Variants in RANBP17 observed in about 807,000 individuals in gnomAD.
RANBP17 encodes the protein ran-binding protein 17.
RANBP17 carries 158 observed loss-of-function variants against 141.2 expected under a neutral mutation model. The observed-to-expected ratio is 1.12, with a 90% CI of 0.98 to 1.28. The LOEUF is 1.28. Among genes scored for constraint, RANBP17 ranks in the 50% most tolerant of loss-of-function variants. RANBP17 has a pLI of 0.00. For synonymous variants in RANBP17, 430 were observed against 450.0 expected, an observed-to-expected ratio of 0.96 and a Z score of 0.56; for missense variants, 1,438 against 1,290.7, an observed-to-expected ratio of 1.11 and a Z score of -1.75.
chr5:170,914,354 AAGTT>A lies in RANBP17; in HGVS notation c.834+115_834+118del, dbSNP rs1395558962. Reference sequence around the variant, plus strand: ...TTCAATTGAGTTTACTTTTCACAGTAAGTTCTTATATTTTCTGGGATGTATACTG... The same window carrying A: ...TTCAATTGAGTTTACTTTTCACAGTACTTATATTTTCTGGGATGTATACTG... On this transcript the variant is annotated intron_variant, in intron 8 of 27. Coordinates refer to ENST00000523189, the MANE Select transcript of RANBP17 (RefSeq NM_022897.5). 93 of 689,928 alleles carry A rather than the reference AAGTT, an allele frequency of 1.3e-4. No individual in the cohort carries two copies. In the Middle Eastern group the frequency reaches 3.6e-3, roughly 27 times the overall value. The allele number at this position is 689,928 out of a possible 1,614,324, so 42.7% of individuals were successfully genotyped here. A position where few individuals can be genotyped will look rare whatever the true frequency, so the allele number is the denominator to read the frequency against.
chr5:171,215,780 A>T lies in RANBP17; in HGVS notation c.2339+2042A>T, dbSNP rs549754026. 4.1e-4 allele frequency among the ~76,000 whole-genome samples: 63 copies of T among 152,158 alleles called. 1 individual carries two copies. The highest frequency in any genetic ancestry group is 2.1e-4 in the South Asian group (1 of 4,814). ...TGTTTTTTTCTTGTAAATTTGTTTAAGTTCCTTGTAGATTCTGGATATTAG... is the reference window on the plus strand; with the variant it reads ...TGTTTTTTTCTTGTAAATTTGTTTATGTTCCTTGTAGATTCTGGATATTAG... On this transcript the variant is annotated intron_variant, in intron 21 of 27. Transcript: ENST00000523189.
At chr5:171,022,273 G>A (rs1370522195) in intron 14 of RANBP17, among the ~76,000 whole-genome samples, 1 of 152,218 alleles carries the variant, frequency 6.6e-6, no homozygotes, top group Admixed American at 6.5e-5. Context: ...TCACCCAGTT[G>A]GGTGGCACAG....
rs1294808273 is a variant in RANBP17 at position 171,206,644 on chromosome 5, A to G, written c.2231+1032A>G. ...AAAGTTTCCTGTAAATTAAATTGCAATAGAAACTTCTTAAAGGTAACTGTC... is the reference window on the plus strand; with the variant it reads ...AAAGTTTCCTGTAAATTAAATTGCAGTAGAAACTTCTTAAAGGTAACTGTC... On this transcript the variant is annotated intron_variant, in intron 20 of 27. Coordinates refer to ENST00000523189, the MANE Select transcript of RANBP17 (RefSeq NM_022897.5). 4 of 177,288 alleles carry G rather than the reference A, an allele frequency of 2.3e-5. No individual in the cohort carries two copies. In the Admixed American group the frequency reaches 2.5e-4, roughly 11 times the overall value. 11.0% of individuals were successfully genotyped at this position (177,288 alleles called of 1,614,324 possible).
chr5:170,993,915 T>A (rs750173789), intron 14 of RANBP17, among the ~76,000 whole-genome samples: 5 of 152,044 alleles, frequency 3.3e-5, no homozygotes, highest in Non-Finnish European at 5.9e-5. Context: ...TTTTCCAAAA[T>A]AAACTTGGAA....
At chr5:171,064,395 C>T (rs796594834) in intron 14 of RANBP17, among the ~76,000 whole-genome samples, 7 of 152,286 alleles carry the variant, frequency 4.6e-5, no homozygotes, top group African/African-American at 1.7e-4. Flanking sequence ...TTTTAATTTG[C>T]ATTTCTCTTT....
intron 14 of RANBP17, among the ~76,000 whole-genome samples, chr5:171,131,741 G>A (rs1278859070): frequency 6.6e-6 from 1 of 152,206 alleles, no homozygotes; most frequent in Non-Finnish European, 1.5e-5. Context: ...TTAGCATGCT[G>A]ACAGCTCAGC....
chr5:171,002,667 A>G (rs953349382), intron 14 of RANBP17, among the ~76,000 whole-genome samples: 3 of 152,126 alleles, frequency 2.0e-5, no homozygotes, highest in African/African-American at 7.2e-5. Flanking sequence ...AGGTAGTGGA[A>G]GGGGGCAGAA....
chr5:170,957,009 G>T (rs1049437590), intron 13 of RANBP17, among the ~76,000 whole-genome samples: 1 of 151,362 alleles, frequency 6.6e-6, no homozygotes, highest in Non-Finnish European at 1.5e-5. Context: ...GGCAGAGCTT[G>T]CAGTGAGCCG....
chr5:170,955,781 TATA>T (rs1201075266), intron 13 of RANBP17, among the ~76,000 whole-genome samples: 2 of 146,824 alleles, frequency 1.4e-5, no homozygotes, highest in Non-Finnish European at 3.0e-5. Flanking sequence ...AAAAGTAATT[TATA>T]ATAACAAAAA....
chr5:171,171,213 A>G lies in RANBP17; in HGVS notation c.1792A>G (p.Asn598Asp). ...LETFMTKIVTNLKYWGRYEPV... is the reference protein window; with the variant it reads ...LETFMTKIVTDLKYWGRYEPV... ...ACTTTTTTTCATATTTAGTGTTACA[A>G]ACCTTAAATACTGGGGAAGATATGA... is the stretch of plus-strand genomic sequence containing the variant. Residue 598 changes from asparagine to aspartate, a missense_variant, in exon 16 of 28, where the codon AAC (asparagine) becomes GAC (aspartate). Physicochemically the swap from Asn to Asp is conservative, Grantham distance 23 (BLOSUM62 1). Transcript: ENST00000523189. 1 of 1,576,914 alleles carries G rather than the reference A, an allele frequency of 6.3e-7. No individual in the cohort carries two copies. The highest frequency in any genetic ancestry group is 1.4e-5 in the African/African-American group (1 of 73,552).
At chr5:171,002,635 G>A (rs1328782130) in intron 14 of RANBP17, among the ~76,000 whole-genome samples, 2 of 152,106 alleles carry the variant, frequency 1.3e-5, no homozygotes, top group Non-Finnish European at 2.9e-5. Flanking sequence ...CTGAGTTAAG[G>A]CAATGAGTTT....
At chr5:170,956,789 C>T (rs1030438646) in intron 13 of RANBP17, among the ~76,000 whole-genome samples, 3 of 149,380 alleles carry the variant, frequency 2.0e-5, no homozygotes, top group African/African-American at 4.9e-5. Context: ...GGGAAATAAA[C>T]GACTGGGCGC....
intron 14 of RANBP17, among the ~76,000 whole-genome samples, chr5:171,084,137 G>C (rs1481372598): frequency 3.3e-5 from 4 of 122,844 alleles, no homozygotes; most frequent in African/African-American, 6.5e-5. Context: ...ACAGTCCCCA[G>C]AGTGTGATAT....
intron 18 of RANBP17, among the ~76,000 whole-genome samples, chr5:171,197,008 A>G (rs1762017145): frequency 6.6e-6 from 1 of 152,142 alleles, no homozygotes; most frequent in African/African-American, 2.4e-5. Flanking sequence ...GCACCATTAC[A>G]TGCCTGCAGT....
intron 25 of RANBP17, among the ~76,000 whole-genome samples, chr5:171,276,918 TAAAAAAAAAAAAAAAA>T (rs149425836): frequency 1.6e-4 from 13 of 82,236 alleles, no homozygotes; most frequent in African/African-American, 5.7e-4. Context: ...AAATGTATCT[TAAAAAAAAAAAAAAAA>T]AAAAAAAAAA....
chr5:171,254,409 T>C (rs1260149086), intron 24 of RANBP17, among the ~76,000 whole-genome samples: 6 of 152,090 alleles, frequency 3.9e-5, no homozygotes, highest in Admixed American at 3.9e-4. Flanking sequence ...TCAGATGTCA[T>C]TTTTTTACCC....
chr5:170,992,508 T>G lies in RANBP17; in HGVS notation c.1710+24131T>G, dbSNP rs181334552. Among the ~76,000 whole-genome samples the G allele has an allele frequency of 7.2e-4, 109 of 152,138 alleles. 1 individual carries two copies. Among genetic ancestry groups the G allele is most frequent in the Non-Finnish European group, 1.1e-3 (75 of 67,974 alleles). ...ACCTTAAAAAATAAGCATTGCCCAG[T>G]CTACTTAACAGAATTATGAATGCTA... On this transcript the variant is annotated intron_variant, in intron 14 of 27. Transcript: ENST00000523189.
At chr5:171,082,886 GA>G (rs11418055) in intron 14 of RANBP17, among the ~76,000 whole-genome samples, 1,943 of 145,098 alleles carry the variant, frequency 0.013, 22 homozygotes, top group Non-Finnish European at 0.018. Flanking sequence ...CCTCTTTAAA[GA>G]AAAAAAAAAA....
At chr5:170,969,390 G>T (rs544163857) in intron 14 of RANBP17, among the ~76,000 whole-genome samples, 1 of 151,854 alleles carries the variant, frequency 6.6e-6, no homozygotes, top group Non-Finnish European at 1.5e-5. Context: ...AAATGTTTTA[G>T]GTTGTCAGTA....
Sources: allele counts gnomAD v4.1 joint callset (sites outside exome capture counted in the v4.1 genomes callset), GRCh38; gene constraint gnomAD v4.1.1; transcripts MANE v1.5; gene names NCBI Gene and HGNC (gene_info 2026-07-23, HGNC 2026-07-21).